PAX5: variants seen among roughly 807,000 people sequenced by gnomAD.
PAX5 encodes paired box protein Pax-5.
Under a neutral mutation model 43.7 loss-of-function variants are expected in PAX5, and 9 were observed. The observed-to-expected ratio is 0.21, with a 90% confidence interval of 0.12 to 0.36. PAX5 has a LOEUF of 0.36. PAX5 is among the 10% of genes least tolerant of loss of function. The pLI is 1.00. For missense variants in PAX5, 383 were observed against 532.7 expected (o/e 0.72, Z 2.77); for synonymous variants, 228 against 214.3 (o/e 1.06, Z -0.56).
chr9:36,924,890 T>C (rs1336001789), intron 6 of PAX5, among the ~76,000 whole-genome samples: 1 of 42,042 alleles, frequency 2.4e-5, no homozygotes, highest in African/African-American at 8.2e-5. Flanking sequence ...ACAAATTTGT[T>C]TGTGCATGTG....
rs926685617 is a variant in PAX5 at position 36,837,961 on chromosome 9, A to T, written c.*2599T>A. On this transcript the variant is annotated 3_prime_UTR_variant, in exon 10 of 10. Transcript: ENST00000358127. ...GCAGGATCCAAAGATGTGGGTACAC[A>T]TCATTCCAAAAGAAGGGTGACAGGG... The T allele has an allele frequency of 4.3e-6, 1 of 233,290 alleles. No individual in the cohort carries two copies. Among genetic ancestry groups the T allele is most frequent in the Non-Finnish European group, 8.5e-6 (1 of 118,110 alleles). The allele number at this position is 233,290 out of a possible 1,614,324, so 14.5% of individuals were successfully genotyped here. A position where few individuals can be genotyped will look rare whatever the true frequency, so the allele number is the denominator to read the frequency against.
chr9:36,854,217 C>T (rs904651352), intron 8 of PAX5, among the ~76,000 whole-genome samples: 5 of 152,212 alleles, frequency 3.3e-5, no homozygotes, highest in Non-Finnish European at 7.3e-5. Context: ...GCTCAGGGAT[C>T]GGCGGCTACC....
rs987478102 is a variant in PAX5, at chr9:36,869,436, C to A, written c.1012+12568G>T. Among the ~76,000 whole-genome samples the A allele has an allele frequency of 2.0e-5, 3 of 152,258 alleles. No homozygotes were observed. In the South Asian group the frequency reaches 6.2e-4, roughly 31 times the overall value. ...CTAGATTCCTCCCCTGCCCTAAGGG[C>A]AGCACCAGGGATGTCTTGGAAAGCT... On this transcript the variant is annotated intron_variant, in intron 8 of 9. Coordinates refer to ENST00000358127, the MANE Select transcript of PAX5 (RefSeq NM_016734.3).
At chr9:36,894,627 C>T (rs376654714) in intron 7 of PAX5, among the ~76,000 whole-genome samples, 2 of 152,132 alleles carry the variant, frequency 1.3e-5, no homozygotes, top group African/African-American at 2.4e-5. Context: ...AAAATGAGGA[C>T]GATCCTATCT....
At chr9:36,878,900 C>G (rs956348880) in intron 8 of PAX5, among the ~76,000 whole-genome samples, 36 of 152,144 alleles carry the variant, frequency 2.4e-4, no homozygotes, top group African/African-American at 7.5e-4. Context: ...TGAATAAATG[C>G]TGGGAGATGC....
chr9:37,014,530 AG>A (rs1370586082), intron 3 of PAX5, among the ~76,000 whole-genome samples: 10 of 152,206 alleles, frequency 6.6e-5, no homozygotes, highest in Admixed American at 1.3e-4. Context: ...ACTCCAAGTC[AG>A]GTTTATGTTC....
chr9:36,857,594 C>T (rs1823797542), intron 8 of PAX5, among the ~76,000 whole-genome samples: 1 of 152,216 alleles, frequency 6.6e-6, no homozygotes, highest in African/African-American at 2.4e-5. Context: ...TAAGAAGTGG[C>T]TGCAATGTGG....
intron 9 of PAX5, among the ~76,000 whole-genome samples, chr9:36,845,029 C>T (rs1822430160): frequency 6.6e-6 from 1 of 152,232 alleles, no homozygotes; most frequent in South Asian, 2.1e-4. Flanking sequence ...CGTGCCAGGG[C>T]TCAGGGTTTT....
At chr9:36,859,585 C>T (rs1414241124) in intron 8 of PAX5, among the ~76,000 whole-genome samples, 1 of 152,182 alleles carries the variant, frequency 6.6e-6, no homozygotes, top group African/African-American at 2.4e-5. Context: ...TGTGCCCCCT[C>T]CTCCCTCCCC....
intron 6 of PAX5, among the ~76,000 whole-genome samples, chr9:36,926,569 C>A (rs1011462169): frequency 1.3e-5 from 2 of 152,210 alleles, no homozygotes; most frequent in Non-Finnish European, 2.9e-5. Context: ...ATGAATCGGG[C>A]ATGAATTTAG....
intron 6 of PAX5, 52 bp from the exon 7 acceptor site, chr9:36,923,536 T>A (rs2131970024): frequency 6.4e-7 from 1 of 1,563,684 alleles, no homozygotes. Flanking sequence ...AGTACCTTAG[T>A]CAAATGCCAA....
Position 36,882,098 on chromosome 9 carries a change from G to A in PAX5, c.918C>T (p.Asp306=). 1 of 1,588,840 alleles carries A rather than the reference G, an allele frequency of 6.3e-7. No individual in the cohort carries two copies. Among genetic ancestry groups the A allele is most frequent in the Non-Finnish European group, 8.6e-7 (1 of 1,164,396 alleles). ...PQSYPIVTGR[D]LASTTLPGYP... is the part of the protein sequence containing the mutation. ...ACCCGGGGAGGGTCGTGCTCGCCAA[G>A]TCACGGCCTGAGGAATCAAAGCAAC... Residue 306 remains aspartate (D), a synonymous_variant, in exon 8 of 10, where the codon GAC becomes GAT. Coordinates refer to ENST00000358127, the MANE Select transcript of PAX5 (RefSeq NM_016734.3). The surrounding 1 kb of genome is among the most constrained non-coding windows in gnomAD (Gnocchi z 4.4).
At chr9:36,845,576 A>C (rs1822484892) in intron 9 of PAX5, among the ~76,000 whole-genome samples, 1 of 152,234 alleles carries the variant, frequency 6.6e-6, no homozygotes, top group East Asian at 1.9e-4. Flanking sequence ...AGGGACCTGC[A>C]GCACTAATGG....
At chr9:36,958,615 C>T (rs553102204) in intron 6 of PAX5, among the ~76,000 whole-genome samples, 1 of 152,228 alleles carries the variant, frequency 6.6e-6, no homozygotes, top group South Asian at 2.1e-4. Context: ...GTCGCTTATA[C>T]CCTAGCAATC....
Position 36,838,846 on chromosome 9 carries a change from GT to G in PAX5, c.*1713del, listed in dbSNP as rs1821827903. The G allele has an allele frequency of 4.3e-6, 1 of 233,214 alleles. No individual in the cohort carries two copies. Among genetic ancestry groups the G allele is most frequent in the African/African-American group, 2.2e-5 (1 of 45,358 alleles). The allele number at this position is 233,214 out of a possible 1,614,324, so 14.4% of individuals were successfully genotyped here. A position where few individuals can be genotyped will look rare whatever the true frequency, so the allele number is the denominator to read the frequency against. On this transcript the variant is annotated 3_prime_UTR_variant, in exon 10 of 10. Transcript: ENST00000358127. ...CAGCCAAGGCTCAAAGAGGTGCAGG[GT>G]TTTGTCTGAGGTCCCACAGCAAAGA...
intron 2 of PAX5, among the ~76,000 whole-genome samples, chr9:37,016,537 A>T (rs1839398615): frequency 6.6e-6 from 1 of 152,146 alleles, no homozygotes; most frequent in Non-Finnish European, 1.5e-5. Flanking sequence ...CAAGAAGAAG[A>T]GTGTCATGAA....
intron 5 of PAX5, among the ~76,000 whole-genome samples, chr9:37,000,719 A>C (rs545933361): frequency 6.6e-6 from 1 of 152,310 alleles, no homozygotes; most frequent in Non-Finnish European, 1.5e-5. Flanking sequence ...GAGATAGGGC[A>C]CTCATTACCT....
intron 7 of PAX5, among the ~76,000 whole-genome samples, chr9:36,914,105 C>T (rs746698414): frequency 5.3e-5 from 8 of 152,212 alleles, no homozygotes; most frequent in Non-Finnish European, 1.2e-4. Flanking sequence ...GGTGTTACTG[C>T]CCTGCAGTGC....
chr9:37,017,801 G>A (rs1208551764), intron 2 of PAX5, among the ~76,000 whole-genome samples: 2 of 152,192 alleles, frequency 1.3e-5, no homozygotes, highest in Non-Finnish European at 2.9e-5. Context: ...GGTCTCTGTC[G>A]TCCTTTTGAC....
Sources: allele counts gnomAD v4.1 joint callset (sites outside exome capture counted in the v4.1 genomes callset), GRCh38; gene constraint gnomAD v4.1.1; non-coding constraint Gnocchi (gnomAD v3.1); transcripts MANE v1.5; gene names NCBI Gene and HGNC (gene_info 2026-07-23, HGNC 2026-07-21).